MTMR9: variants seen among roughly 807,000 people sequenced by gnomAD.
The protein encoded by MTMR9 is myotubularin related protein 9, also known as myotubularin-related protein 9.
Under a neutral mutation model 69.5 loss-of-function variants are expected in MTMR9, and 39 were observed. The observed-to-expected ratio is 0.56, with a 90% CI of 0.43 to 0.73. The LOEUF is 0.73. Among genes scored for constraint, MTMR9 ranks in the 30% least tolerant of loss-of-function variants. The pLI, the probability that MTMR9 is intolerant of heterozygous loss-of-function variation, is 0.00. For missense variants in MTMR9, 900 were observed against 671.2 expected, an observed-to-expected ratio of 1.34 and a Z score of -3.77; for synonymous variants, 354 against 240.8, an observed-to-expected ratio of 1.47 and a Z score of -4.35.
At chr8:11,311,690 T>C (rs1800203822) in intron 6 of MTMR9, among the ~76,000 whole-genome samples, 1 of 152,192 alleles carries the variant, frequency 6.6e-6, no homozygotes, top group Non-Finnish European at 1.5e-5. Context: ...TGAATGGCTG[T>C]GGCAATTTCT....
chr8:11,286,859 T>C (rs1467827642), intron 1 of MTMR9, among the ~76,000 whole-genome samples: 1 of 152,172 alleles, frequency 6.6e-6, no homozygotes. Context: ...CACTATTTAC[T>C]GGTGCTGGTA....
At chr8:11,304,721 A>G in intron 3 of MTMR9, 120 bp from the exon 4 acceptor site, 1 of 987,836 alleles carries the variant, frequency 1.0e-6, no homozygotes, top group Non-Finnish European at 1.5e-6. Flanking sequence ...CACCTGTGAA[A>G]TTCCTGAGAA....
At chr8:11,330,875 C>G (rs1190396632), downstream of MTMR9, 2 of 862,124 alleles carry the variant, frequency 2.3e-6, no homozygotes, top group Admixed American at 3.2e-5. Flanking sequence ...ATGACCCTGC[C>G]AAATCCCCCT....
downstream of MTMR9, among the ~76,000 whole-genome samples, chr8:11,330,331 G>A (rs533565020): frequency 2.6e-5 from 4 of 151,316 alleles, no homozygotes; most frequent in African/African-American, 7.3e-5. Context: ...CCCCGTCTGG[G>A]AGGGAGGTGG....
rs1563290414 is a variant in MTMR9 at position 11,324,659 on chromosome 8, G to A, written c.*1871G>A. The A allele has an allele frequency of 6.6e-6, 1 of 152,080 alleles. No individual in the cohort carries two copies. The highest frequency in any genetic ancestry group is 6.5e-5 in the Admixed American group (1 of 15,270). 9.4% of individuals were successfully genotyped at this position (152,080 alleles called of 1,614,324 possible). Reference sequence around the variant, plus strand: ...AGGAGGCTTTTCTTCTCAGCTAACAGGCATATAAGGAAAACCATCTAGAGA... The same window carrying A: ...AGGAGGCTTTTCTTCTCAGCTAACAAGCATATAAGGAAAACCATCTAGAGA... On this transcript the variant is annotated 3_prime_UTR_variant, in exon 10 of 10. Transcript: ENST00000221086.
chr8:11,334,860 A>T, the MTMR9 span, among the ~76,000 whole-genome samples: 1 of 152,244 alleles, frequency 6.6e-6, no homozygotes, highest in Non-Finnish European at 1.5e-5. Flanking sequence ...ATATCAGTAA[A>T]TGCAGAAAAA....
chr8:11,315,472 C>T (rs1005733125), intron 7 of MTMR9, among the ~76,000 whole-genome samples: 1 of 152,154 alleles, frequency 6.6e-6, no homozygotes, highest in Non-Finnish European at 1.5e-5. Flanking sequence ...TGTGAAGCTT[C>T]CTTCAAAGAT....
chr8:11,288,609 G>T lies in MTMR9; in HGVS notation c.182+3539G>T, dbSNP rs138537651. Among the ~76,000 whole-genome samples the T allele has an allele frequency of 4.6e-5, 7 of 152,226 alleles. No individual in the cohort carries two copies. In the East Asian group the frequency reaches 9.7e-4, roughly 21 times the overall value. On this transcript the variant is annotated intron_variant, in intron 1 of 9. Coordinates refer to ENST00000221086, the MANE Select transcript of MTMR9 (RefSeq NM_015458.4). ...ATGCTTGGCATGTGCAGAGAAGAGC[G>T]AAGAGGCCAGTGTGGCTGCAGGGCA...
At chr8:11,307,292 G>A (rs551991957) in intron 5 of MTMR9, among the ~76,000 whole-genome samples, 4 of 152,178 alleles carry the variant, frequency 2.6e-5, no homozygotes, top group South Asian at 2.1e-4. Flanking sequence ...GGCTGGTCTC[G>A]AACTCCTGAC....
At chr8:11,339,273 A>G in the MTMR9 span, among the ~76,000 whole-genome samples, 4 of 152,252 alleles carry the variant, frequency 2.6e-5, no homozygotes, top group Non-Finnish European at 4.4e-5. Flanking sequence ...ACAGACCTAC[A>G]AAGCCTCTGA....
At chr8:11,320,098 G>C in intron 9 of MTMR9, 2 of 380,058 alleles carry the variant, frequency 5.3e-6, no homozygotes. Context: ...TTCTAGATAA[G>C]AAAGTACCTT....
chr8:11,314,805 T>A (rs572345123), intron 6 of MTMR9, 118 bp from the exon 7 acceptor site: 342 of 912,576 alleles, frequency 3.7e-4, no homozygotes, highest in Non-Finnish European at 5.7e-4. Flanking sequence ...CTCAATACAC[T>A]AAATAAACTG....
chr8:11,307,179 C>G (rs1464504038), intron 5 of MTMR9, among the ~76,000 whole-genome samples: 1 of 152,172 alleles, frequency 6.6e-6, no homozygotes, highest in African/African-American at 2.4e-5. Flanking sequence ...TCAAGTGATT[C>G]TCCTGTCTCA....
rs1800776940 is a variant in MTMR9 at position 11,323,239 on chromosome 8, G to C, written c.*451G>C. ...AAATGTTTTTCAAAATGGCAACAAT[G>C]GATAAACCAAGGATTTTGTGTTTAA... On this transcript the variant is annotated 3_prime_UTR_variant, in exon 10 of 10. Transcript: ENST00000221086. 1 of 152,266 alleles carries C rather than the reference G, an allele frequency of 6.6e-6. No homozygotes were observed. The highest frequency in any genetic ancestry group is 1.5e-5 in the Non-Finnish European group (1 of 68,108). The allele number at this position is 152,266 out of a possible 1,614,324, so 9.4% of individuals were successfully genotyped here.
downstream of MTMR9, among the ~76,000 whole-genome samples, chr8:11,330,248 A>AG (rs1801156288): frequency 8.0e-6 from 1 of 124,498 alleles, no homozygotes; most frequent in South Asian, 2.9e-4. Context: ...AGGGAGGTGG[A>AG]GGGTCAGCCC....
At chr8:11,310,256 T>G (rs1800143106) in intron 6 of MTMR9, among the ~76,000 whole-genome samples, 3 of 152,206 alleles carry the variant, frequency 2.0e-5, no homozygotes, top group Non-Finnish European at 4.4e-5. Context: ...AGTTAAAGGT[T>G]GCTAATCCTT....
chr8:11,311,567 C>T (rs887369510), intron 6 of MTMR9, among the ~76,000 whole-genome samples: 4 of 152,218 alleles, frequency 2.6e-5, no homozygotes, highest in African/African-American at 9.6e-5. Flanking sequence ...AAACAATATA[C>T]ATACCTGAAT....
intron 6 of MTMR9, among the ~76,000 whole-genome samples, chr8:11,313,295 C>G (rs185120426): frequency 3.5e-4 from 53 of 152,294 alleles, no homozygotes; most frequent in African/African-American, 1.2e-3. Flanking sequence ...CTGGATTAGG[C>G]TTTGGCTTAA....
intron 2 of MTMR9, among the ~76,000 whole-genome samples, chr8:11,298,168 T>C (rs1194423850): frequency 1.3e-5 from 2 of 152,170 alleles, no homozygotes; most frequent in African/African-American, 2.4e-5. Flanking sequence ...TCTCTCAGCA[T>C]TAATGTGTTT....
Sources: allele counts gnomAD v4.1 joint callset (sites outside exome capture counted in the v4.1 genomes callset), GRCh38; gene constraint gnomAD v4.1.1; transcripts MANE v1.5; gene names NCBI Gene and HGNC (gene_info 2026-07-23, HGNC 2026-07-21).